CACNA2D3: variants seen among roughly 807,000 people sequenced by gnomAD.
CACNA2D3 encodes the protein voltage-dependent calcium channel subunit alpha-2/delta-3.
CACNA2D3 carries 60 observed loss-of-function variants against 160.6 expected under a neutral mutation model. The ratio of observed to expected loss-of-function variants is 0.37; its 90% CI spans 0.30 to 0.46. The LOEUF (loss-of-function observed/expected upper bound fraction) is 0.46, where lower values mean the gene tolerates loss of function less well. CACNA2D3 is among the 20% of genes least tolerant of loss of function. The pLI, the probability that CACNA2D3 is intolerant of heterozygous loss-of-function variation, is 1.00. For synonymous variants in CACNA2D3, 558 were observed against 492.9 expected, an observed-to-expected ratio of 1.13 and a Z score of -1.75; for missense variants, 1,205 against 1,365.0, an observed-to-expected ratio of 0.88 and a Z score of 1.85.
At chr3:54,279,288 A>G (rs1447211064) in intron 2 of CACNA2D3, among the ~76,000 whole-genome samples, 1 of 152,160 alleles carries the variant, frequency 6.6e-6, no homozygotes, top group East Asian at 1.9e-4. Context: ...TTTCAGTGAC[A>G]CCTTTCTACC....
chr3:54,865,261 T>A (rs1699373705), intron 17 of CACNA2D3, among the ~76,000 whole-genome samples: 1 of 152,206 alleles, frequency 6.6e-6, no homozygotes, highest in Non-Finnish European at 1.5e-5. Context: ...GTAAGGGCAA[T>A]ATACTTTTCA....
Position 54,778,597 on chromosome 3 carries a change from G to A in CACNA2D3, c.1380+14246G>A, listed in dbSNP as rs532708225. On this transcript the variant is annotated intron_variant, in intron 13 of 37. Coordinates refer to ENST00000474759, the MANE Select transcript of CACNA2D3 (RefSeq NM_018398.3). ...AGAACTTCTTGTACTATTATATTAA[G>A]AAGTCCAAATAAACTTTTTGCCACT... Among the ~76,000 whole-genome samples the A allele has an allele frequency of 2.2e-4, 34 of 152,298 alleles. No individual in the cohort carries two copies. The East Asian group carries it at 6.0e-3, about 27-fold the overall frequency.
At chr3:54,408,340 C>CA in intron 4 of CACNA2D3, among the ~76,000 whole-genome samples, 1 of 152,176 alleles carries the variant, frequency 6.6e-6, no homozygotes, top group East Asian at 1.9e-4. Context: ...TCCACAAATG[C>CA]AAAATTAAAA....
chr3:54,430,183 A>G (rs1699968724), intron 4 of CACNA2D3, among the ~76,000 whole-genome samples: 1 of 152,056 alleles, frequency 6.6e-6, no homozygotes, highest in South Asian at 2.1e-4. Flanking sequence ...GCCCCAAGCA[A>G]GTTTTACAAT....
At chr3:54,648,681 G>A (rs1036664603) in intron 11 of CACNA2D3, among the ~76,000 whole-genome samples, 1 of 152,226 alleles carries the variant, frequency 6.6e-6, no homozygotes, top group Non-Finnish European at 1.5e-5. Context: ...AAAGAAAAGA[G>A]GTGTATATGG....
At chr3:54,709,992 A>G (rs957894501) in intron 11 of CACNA2D3, among the ~76,000 whole-genome samples, 8 of 152,246 alleles carry the variant, frequency 5.3e-5, no homozygotes, top group Admixed American at 3.3e-4. Context: ...AACAACAACA[A>G]AAGTCTTTTG....
At chr3:54,539,573 A>G (rs1224743965) in intron 5 of CACNA2D3, among the ~76,000 whole-genome samples, 4 of 152,192 alleles carry the variant, frequency 2.6e-5, no homozygotes, top group Non-Finnish European at 1.5e-5. Context: ...TGCTTTCCTG[A>G]CCAAAGTCAT....
intron 14 of CACNA2D3, among the ~76,000 whole-genome samples, chr3:54,830,288 G>A (rs1251580613): frequency 1.3e-5 from 2 of 151,930 alleles, no homozygotes; most frequent in East Asian, 2.0e-4. Flanking sequence ...TTTTCATAAT[G>A]TCTCGTCTGA....
intron 11 of CACNA2D3, among the ~76,000 whole-genome samples, chr3:54,659,203 A>T (rs543111123): frequency 6.6e-6 from 1 of 152,312 alleles, no homozygotes; most frequent in East Asian, 1.9e-4. Flanking sequence ...TTGTTATGTC[A>T]TCTGCTAGAA....
At chr3:55,030,216 C>T (rs1042582528) in intron 35 of CACNA2D3, among the ~76,000 whole-genome samples, 1 of 152,314 alleles carries the variant, frequency 6.6e-6, no homozygotes, top group African/African-American at 2.4e-5. Flanking sequence ...AAACCAGCCA[C>T]ATCCTCCCTG....
In CACNA2D3 at chr3:54,462,947, A is replaced by G. The variant is rs1700535685; in HGVS notation, c.382-40545A>G. On this transcript the variant is annotated intron_variant, in intron 4 of 37. Transcript: ENST00000474759. ...CCTTTCCATGTTTAGTGCTTCCTTC[A>G]GGAGCTCTTTTAGGGCAGGCCTGGT... is the stretch of plus-strand genomic sequence containing the variant. Among the ~76,000 whole-genome samples, 3 of 149,616 alleles carry G rather than the reference A, an allele frequency of 2.0e-5. No individual in the cohort carries two copies. In the Admixed American group the frequency reaches 2.0e-4, roughly 10 times the overall value.
At chr3:54,995,267 C>A (rs551160465) in intron 31 of CACNA2D3, among the ~76,000 whole-genome samples, 2 of 152,258 alleles carry the variant, frequency 1.3e-5, no homozygotes, top group East Asian at 3.9e-4. Context: ...AGCCACTGCA[C>A]CTGGCCAAAG....
chr3:54,198,764 T>C (rs934471310), intron 2 of CACNA2D3, among the ~76,000 whole-genome samples: 1 of 152,278 alleles, frequency 6.6e-6, no homozygotes, highest in East Asian at 1.9e-4. Context: ...GGTGGCGTCC[T>C]TGCAGCCCCA....
chr3:54,428,207 C>G (rs1408998184), intron 4 of CACNA2D3, among the ~76,000 whole-genome samples: 2 of 152,166 alleles, frequency 1.3e-5, no homozygotes, highest in South Asian at 2.1e-4. Context: ...TTATAAAACC[C>G]AGGGCTCGGC....
At chr3:55,057,390 A>G (rs762037905) in intron 35 of CACNA2D3, among the ~76,000 whole-genome samples, 29 of 152,332 alleles carry the variant, frequency 1.9e-4, no homozygotes, top group Middle Eastern at 3.4e-3. Flanking sequence ...GTCAGTTTAC[A>G]ACAAAATAAT....
At chr3:54,462,679 G>C (rs187727090) in intron 4 of CACNA2D3, among the ~76,000 whole-genome samples, 56 of 152,232 alleles carry the variant, frequency 3.7e-4, no homozygotes, top group African/African-American at 1.2e-3. Flanking sequence ...CTCTGCATGT[G>C]AGATGGGTTT....
At chr3:54,590,506 A>G (rs945961319) in intron 9 of CACNA2D3, among the ~76,000 whole-genome samples, 7 of 152,176 alleles carry the variant, frequency 4.6e-5, no homozygotes, top group African/African-American at 1.7e-4. Context: ...CTGTGTCTTG[A>G]TCATATCAAT....
chr3:54,840,915 G>A (rs2106764342), intron 16 of CACNA2D3, among the ~76,000 whole-genome samples: 1 of 150,520 alleles, frequency 6.6e-6, no homozygotes, highest in Admixed American at 6.6e-5. Context: ...GTAGAGATGG[G>A]GTTTCACCAT....
intron 4 of CACNA2D3, among the ~76,000 whole-genome samples, chr3:54,481,077 C>T (rs1700925337): frequency 6.6e-6 from 1 of 152,044 alleles, no homozygotes; most frequent in South Asian, 2.1e-4. Flanking sequence ...TTCCTGAGGG[C>T]CCTGAAATCC....
Sources: gnomAD v4.1 joint callset for allele counts (sites outside exome capture counted in the v4.1 genomes callset) on GRCh38, gnomAD v4.1.1 for gene constraint, MANE v1.5 for transcripts, NCBI Gene and HGNC (gene_info 2026-07-23, HGNC 2026-07-21) for gene names.